Variants in GGNBP2 observed in about 807,000 individuals in gnomAD.
GGNBP2 encodes gametogenetin binding protein 2.
Under a neutral mutation model 85.9 loss-of-function variants are expected in GGNBP2, and 10 were observed. The observed-to-expected ratio is 0.12, with a 90% CI of 0.07 to 0.20. The LOEUF (loss-of-function observed/expected upper bound fraction) is 0.20, where lower values mean the gene tolerates loss of function less well. Ranked by LOEUF, GGNBP2 falls within the 10% of genes least tolerant of loss-of-function variation. GGNBP2 has a pLI of 1.00. For missense variants in GGNBP2, 595 were observed against 857.8 expected, an observed-to-expected ratio of 0.69 and a Z score of 3.83; for synonymous variants, 287 against 285.7, an observed-to-expected ratio of 1.00 and a Z score of -0.05.
At chr17:36,575,118 T>A in intron 6 of GGNBP2, 1 of 756,502 alleles carries the variant, frequency 1.3e-6, no homozygotes, top group Non-Finnish European at 2.3e-6. Context: ...AGGGACTTGA[T>A]CTTCATGTGC....
chr17:36,563,244 C>T (rs1025302417), intron 5 of GGNBP2, among the ~76,000 whole-genome samples: 4 of 151,508 alleles, frequency 2.6e-5, no homozygotes, highest in South Asian at 2.1e-4. Flanking sequence ...CCAGCCTGGG[C>T]GACAAGAGTG....
intron 2 of GGNBP2, 102 bp from the exon 3 acceptor site, chr17:36,554,718 G>A: frequency 1.3e-6 from 1 of 794,482 alleles, no homozygotes; most frequent in Non-Finnish European, 2.2e-6. Context: ...GCTAGGGATG[G>A]GTGCAAATCT....
At chr17:36,577,707 G>A (rs2074605771) in intron 6 of GGNBP2, 3 of 457,950 alleles carry the variant, frequency 6.6e-6, no homozygotes, top group Non-Finnish European at 1.2e-5. Flanking sequence ...ACTTTTCTGG[G>A]CATGCATTTT....
At chr17:36,546,551 A>T (rs2074257305) in intron 2 of GGNBP2, 1 of 151,966 alleles carries the variant, frequency 6.6e-6, no homozygotes. Flanking sequence ...TATTCTTTAG[A>T]TTTGGTAGTG....
intron 6 of GGNBP2, among the ~76,000 whole-genome samples, chr17:36,573,482 G>T (rs936070422): frequency 3.3e-5 from 5 of 152,204 alleles, no homozygotes; most frequent in South Asian, 2.1e-4. Context: ...AAATGCTGCA[G>T]TGAACATGAG....
chr17:36,575,026 C>G, intron 6 of GGNBP2: 1 of 1,516,184 alleles, frequency 6.6e-7, no homozygotes, highest in Middle Eastern at 2.0e-4. Flanking sequence ...TCTTCAAAAC[C>G]TCGTCCTTGA....
intron 6 of GGNBP2, chr17:36,575,168 T>C: frequency 1.5e-6 from 1 of 660,926 alleles, no homozygotes; most frequent in South Asian, 1.6e-5. Flanking sequence ...CATCCACTCT[T>C]TATCCTCGGC....
chr17:36,545,954 C>G (rs1383279989), intron 2 of GGNBP2, 137 bp downstream of exon 2: 1 of 626,634 alleles, frequency 1.6e-6, no homozygotes, highest in African/African-American at 1.9e-5. Flanking sequence ...CTTCAGCAGG[C>G]CCCACAAACT....
intron 6 of GGNBP2, among the ~76,000 whole-genome samples, chr17:36,573,530 T>C (rs1291965189): frequency 2.0e-5 from 3 of 152,224 alleles, no homozygotes; most frequent in African/African-American, 7.2e-5. Flanking sequence ...CTATCAGTTC[T>C]TTTGGATATA....
intron 2 of GGNBP2, among the ~76,000 whole-genome samples, chr17:36,554,596 A>G (rs2074343532): frequency 6.6e-6 from 1 of 151,650 alleles, no homozygotes; most frequent in African/African-American, 2.4e-5. Context: ...CGAACTCCCA[A>G]CCTCAGGTGA....
intron 4 of GGNBP2, among the ~76,000 whole-genome samples, chr17:36,557,967 C>A (rs2074379246): frequency 6.6e-6 from 1 of 151,966 alleles, no homozygotes; most frequent in South Asian, 2.1e-4. Context: ...CAAAAATTAG[C>A]TGAGCATGGT....
chr17:36,581,481 G>A lies in GGNBP2; in HGVS notation c.1158G>A (p.Val386=). 1 of 1,613,758 alleles carries A rather than the reference G, an allele frequency of 6.2e-7. No individual in the cohort carries two copies. Among genetic ancestry groups the A allele is most frequent in the Non-Finnish European group, 8.5e-7 (1 of 1,179,818 alleles). ...AGAATAGACGAAAAAATAAGTGTGT[G>A]TGTGATATTCCTACTCCCTTACAAA... The part of the protein sequence containing the change: ...KRKNRRKNKC[V]CDIPTPLQTA... Residue 386 remains valine (V), a synonymous_variant, in exon 9 of 14, where the codon GTG becomes GTA. Coordinates refer to ENST00000613102, the MANE Select transcript of GGNBP2 (RefSeq NM_024835.5).
Position 36,577,975 on chromosome 17 carries a change from T to G in GGNBP2, c.642-8T>G. The G allele has an allele frequency of 6.2e-7, 1 of 1,611,352 alleles. No homozygotes were observed. Among genetic ancestry groups the G allele is most frequent in the South Asian group, 1.1e-5 (1 of 91,022 alleles). On this transcript the variant is annotated splice_polypyrimidine_tract_variant and splice_region_variant and intron_variant, in intron 6 of 13. Coordinates refer to ENST00000613102, the MANE Select transcript of GGNBP2 (RefSeq NM_024835.5). ...ATTTCTTAATTTTAAGGTTTTTCTT[T>G]TCAACAGGTTTTGCACTGATTGCAA...
At chr17:36,547,634 C>T (rs1354507755) in intron 2 of GGNBP2, 2 of 152,224 alleles carry the variant, frequency 1.3e-5, no homozygotes, top group South Asian at 2.1e-4. Flanking sequence ...AAAGATGTAA[C>T]CTTGCAATGT....
At position 36,577,625 on chromosome 17, in the gene GGNBP2, C is replaced by A. The variant is rs978926005; in HGVS notation, c.642-358C>A. On this transcript the variant is annotated intron_variant, in intron 6 of 13. Coordinates refer to ENST00000613102, the MANE Select transcript of GGNBP2 (RefSeq NM_024835.5). ...CCAATCAAGAGTCATTGGTTTGTTGCCTCTATTGTTTTATTTCTGACCTGC... is the reference window on the plus strand; with the variant it reads ...CCAATCAAGAGTCATTGGTTTGTTGACTCTATTGTTTTATTTCTGACCTGC... 1.1e-5 allele frequency: 3 copies of A among 278,796 alleles called. No homozygotes were observed. The Admixed American group carries it at 1.5e-4, about 14-fold the overall frequency. 17.3% of individuals were successfully genotyped at this position (278,796 alleles called of 1,614,324 possible). A position where few individuals can be genotyped will look rare whatever the true frequency, so the allele number is the denominator to read the frequency against.
chr17:36,554,857 A>T lies in GGNBP2; in HGVS notation c.131A>T (p.Asp44Val). ...MEFPDNVLNL[D>V]GHQNNGAQLK... ...TTTCCTGATAATGTGTTAAATCTCG[A>T]TGGACATCAGAATAATGGTGCACAG... Residue 44 changes from aspartate to valine, a missense_variant, in exon 3 of 14, where the codon GAT (aspartate) becomes GTT (valine). Transcript: ENST00000613102. 1 of 1,610,868 alleles carries T rather than the reference A, an allele frequency of 6.2e-7. No individual in the cohort carries two copies. Among genetic ancestry groups the T allele is most frequent in the African/African-American group, 1.3e-5 (1 of 74,986 alleles).
intron 2 of GGNBP2, among the ~76,000 whole-genome samples, chr17:36,547,935 C>T (rs1286813259): frequency 1.3e-5 from 2 of 152,082 alleles, no homozygotes; most frequent in African/African-American, 4.8e-5. Flanking sequence ...GGATATTCTA[C>T]CAAATACTAC....
intron 6 of GGNBP2, chr17:36,574,522 G>A (rs922062734): frequency 3.2e-5 from 12 of 371,062 alleles, no homozygotes; most frequent in African/African-American, 6.4e-5. Context: ...GGGTCTTGAC[G>A]AGATGGTCAG....
rs145184721 is a variant in GGNBP2, at chr17:36,585,385, A to G, written c.1301A>G (p.Asn434Ser). Reference protein sequence around the residue: ...GNTCVEVIVTNENTSCTCPSS... With the variant: ...GNTCVEVIVTSENTSCTCPSS... ...ACTTGTGTAGAAGTAATTGTTACCAATGAAAATACATCATGTACCTGTCCT... is the reference window on the plus strand; with the variant it reads ...ACTTGTGTAGAAGTAATTGTTACCAGTGAAAATACATCATGTACCTGTCCT... The change falls in exon 10 of 14, where the codon AAT becomes AGT. Residue 434 changes from asparagine to serine, a missense_variant. Coordinates refer to ENST00000613102, the MANE Select transcript of GGNBP2 (RefSeq NM_024835.5). The G allele has an allele frequency of 2.5e-5, 40 of 1,612,096 alleles. No homozygotes were observed. The African/African-American group carries it at 5.1e-4, about 20-fold the overall frequency.
Sources: gnomAD v4.1 joint callset for allele counts (sites outside exome capture counted in the v4.1 genomes callset) on GRCh38, gnomAD v4.1.1 for gene constraint, MANE v1.5 for transcripts, NCBI Gene and HGNC (gene_info 2026-07-23, HGNC 2026-07-21) for gene names.